The following FUT8 variants were observed in gnomAD, a reference collection of about 807,000 sequenced individuals.
FUT8 encodes alpha-(1,6)-fucosyltransferase.
Under a neutral mutation model 71.3 loss-of-function variants are expected in FUT8, and 29 were observed. That is an observed-to-expected ratio of 0.41 (90% CI 0.30 to 0.55). FUT8 has a LOEUF of 0.55. Among genes scored for constraint, FUT8 ranks in the 20% least tolerant of loss-of-function variants. FUT8 has a pLI of 0.34. For synonymous variants in FUT8, 254 were observed against 239.3 expected, an observed-to-expected ratio of 1.06 and a Z score of -0.57; for missense variants, 544 against 702.1, an observed-to-expected ratio of 0.77 and a Z score of 2.55.
the FUT8 span, among the ~76,000 whole-genome samples, chr14:65,365,059 C>A: frequency 6.6e-6 from 1 of 152,178 alleles, no homozygotes; most frequent in Non-Finnish European, 1.5e-5. Context: ...CTATTCTAAT[C>A]CTTTTGGCAA....
intron 1 of FUT8, among the ~76,000 whole-genome samples, chr14:65,452,718 G>C (rs542169813): frequency 5.9e-5 from 9 of 152,304 alleles, no homozygotes; most frequent in African/African-American, 2.2e-4. Flanking sequence ...AAGGAATTGA[G>C]GGAATAATAT....
In FUT8 at chr14:65,412,785, G is replaced by A; in HGVS notation, c.-755G>A. On this transcript the variant is annotated 5_prime_UTR_variant, in exon 1 of 11. Coordinates refer to ENST00000673929, the MANE Select transcript of FUT8 (RefSeq NM_001371533.1). ...GCTTCCCCGCCTGCGCTCGTTGTCAGAGCCGCTCCGGCGCGTGCGCGCGTT... is the reference window on the plus strand; with the variant it reads ...GCTTCCCCGCCTGCGCTCGTTGTCAAAGCCGCTCCGGCGCGTGCGCGCGTT... 5.9e-6 allele frequency: 1 copy of A among 169,608 alleles called. No individual in the cohort carries two copies. The highest frequency in any genetic ancestry group is 1.3e-4 in the South Asian group (1 of 7,588). 10.5% of individuals were successfully genotyped at this position (169,608 alleles called of 1,614,324 possible). A position where few individuals can be genotyped will look rare whatever the true frequency, so the allele number is the denominator to read the frequency against.
intron 2 of FUT8, among the ~76,000 whole-genome samples, chr14:65,478,868 A>C (rs956050862): frequency 6.6e-6 from 1 of 152,230 alleles, no homozygotes; most frequent in Non-Finnish European, 1.5e-5. Flanking sequence ...TTGATGAATC[A>C]TTCTTTGCAC....
chr14:65,730,307 C>T (rs1895908713), intron 9 of FUT8, among the ~76,000 whole-genome samples: 1 of 152,168 alleles, frequency 6.6e-6, no homozygotes, highest in Admixed American at 6.5e-5. Flanking sequence ...TAGCTTTATA[C>T]ACATAGCTTC....
chr14:65,665,487 G>T (rs1174671572), intron 6 of FUT8, among the ~76,000 whole-genome samples: 1 of 152,158 alleles, frequency 6.6e-6, no homozygotes, highest in East Asian at 1.9e-4. Context: ...TACACTGCTG[G>T]TGGGAGTGTA....
chr14:65,509,737 A>G (rs964241734), intron 2 of FUT8, among the ~76,000 whole-genome samples: 1 of 152,156 alleles, frequency 6.6e-6, no homozygotes, highest in Non-Finnish European at 1.5e-5. Flanking sequence ...CACATTTCAC[A>G]TATAGAAATG....
At chr14:65,553,271 C>T (rs1885391942) in intron 2 of FUT8, among the ~76,000 whole-genome samples, 1 of 152,002 alleles carries the variant, frequency 6.6e-6, no homozygotes, top group African/African-American at 2.4e-5. Context: ...AATTATTAGT[C>T]TACTTTCAAA....
chr14:65,742,046 AG>A (rs1268925135), intron 10 of FUT8, 46 bp from the exon 11 acceptor site: 1 of 1,506,654 alleles, frequency 6.6e-7, no homozygotes, highest in African/African-American at 1.4e-5. Context: ...ATTGCTGTGA[AG>A]GAGAGTGTTT....
At chr14:65,444,068 C>T (rs2065702319) in intron 1 of FUT8, among the ~76,000 whole-genome samples, 1 of 152,154 alleles carries the variant, frequency 6.6e-6, no homozygotes, top group Non-Finnish European at 1.5e-5. Context: ...TAATGTTGCA[C>T]ATGGTTCTGA....
At chr14:65,364,208 T>TTG in the FUT8 span, among the ~76,000 whole-genome samples, 2 of 151,298 alleles carry the variant, frequency 1.3e-5, no homozygotes, top group African/African-American at 4.9e-5. Context: ...AAACCATTTT[T>TTG]TTTTGTTTTG....
intron 2 of FUT8, among the ~76,000 whole-genome samples, chr14:65,475,516 A>G (rs572991533): frequency 6.6e-6 from 1 of 152,258 alleles, no homozygotes; most frequent in African/African-American, 2.4e-5. Flanking sequence ...GAGGCAGAGC[A>G]TTGCTTGAGG....
At chr14:65,567,026 A>G (rs899047632) in intron 3 of FUT8, among the ~76,000 whole-genome samples, 3 of 151,948 alleles carry the variant, frequency 2.0e-5, no homozygotes, top group African/African-American at 4.8e-5. Context: ...TTGGATGTCA[A>G]TCTCATGGAG....
At chr14:65,480,427 C>T (rs1004027739) in intron 2 of FUT8, among the ~76,000 whole-genome samples, 2 of 151,438 alleles carry the variant, frequency 1.3e-5, no homozygotes, top group South Asian at 2.1e-4. Flanking sequence ...GTGATCCTCC[C>T]ACCTCAGCCA....
intron 10 of FUT8, among the ~76,000 whole-genome samples, chr14:65,734,559 G>A (rs1337635501): frequency 6.6e-6 from 1 of 152,170 alleles, no homozygotes; most frequent in African/African-American, 2.4e-5. Context: ...CACTATTTAT[G>A]TTTCTCCCTA....
chr14:65,687,666 C>A (rs913674759), intron 7 of FUT8, among the ~76,000 whole-genome samples: 1 of 151,972 alleles, frequency 6.6e-6, no homozygotes, highest in Non-Finnish European at 1.5e-5. Flanking sequence ...AAAAATTGAA[C>A]AGAAAATAAG....
At chr14:65,497,901 T>C (rs2066584476) in intron 2 of FUT8, among the ~76,000 whole-genome samples, 1 of 152,094 alleles carries the variant, frequency 6.6e-6, no homozygotes. Flanking sequence ...TGTGCTGTTA[T>C]GAAGCTAGGT....
rs188332748 is a variant in FUT8, at chr14:65,589,589, G to A, written c.204-26389G>A. The stretch of plus-strand genomic sequence containing the variant: ...CTCCCGAGTAGCTGGGACTACAGGC[G>A]CCCGCCACCACGCCTGGCTAACTTT... On this transcript the variant is annotated intron_variant, in intron 3 of 10. Transcript: ENST00000673929. 6.2e-3 allele frequency among the ~76,000 whole-genome samples: 936 copies of A among 151,826 alleles called. 10 individuals are homozygous for A. The highest frequency in any genetic ancestry group is 0.035 in the East Asian group (182 of 5,148).
intron 1 of FUT8, among the ~76,000 whole-genome samples, chr14:65,424,762 C>T (rs1270874300): frequency 6.6e-6 from 1 of 151,974 alleles, no homozygotes; most frequent in Non-Finnish European, 1.5e-5. Context: ...CTGACTCAAG[C>T]GATTCTCCCA....
intron 2 of FUT8, among the ~76,000 whole-genome samples, chr14:65,555,441 T>C (rs889094401): frequency 6.6e-6 from 1 of 152,218 alleles, no homozygotes; most frequent in Non-Finnish European, 1.5e-5. Context: ...GTTCTTACTA[T>C]AACTTAGTTT....
Sources: gnomAD v4.1 joint callset for allele counts (sites outside exome capture counted in the v4.1 genomes callset) on GRCh38, gnomAD v4.1.1 for gene constraint, MANE v1.5 for transcripts, NCBI Gene and HGNC (gene_info 2026-07-23, HGNC 2026-07-21) for gene names.